Variants in HDAC9 observed in about 807,000 individuals in gnomAD.
HDAC9 encodes MEF-2 interacting transcription repressor (MITR) protein.
HDAC9 carries 41 observed loss-of-function variants against 139.4 expected under a neutral mutation model. That is an observed-to-expected ratio of 0.29 (90% CI 0.23 to 0.38). HDAC9 has a LOEUF of 0.38. Among genes scored for constraint, HDAC9 ranks in the 10% least tolerant of loss-of-function variants. HDAC9 has a pLI of 1.00. For synonymous variants in HDAC9, 517 were observed against 476.2 expected (o/e 1.09, Z -1.12); for missense variants, 1,147 against 1,297.0 (o/e 0.88, Z 1.78).
intron 25 of HDAC9, among the ~76,000 whole-genome samples, chr7:18,981,101 G>A (rs1344965309): frequency 6.6e-6 from 1 of 152,054 alleles, no homozygotes; most frequent in African/African-American, 2.4e-5. Context: ...TGGAATTACA[G>A]GTGTGAGCCA....
chr7:18,745,117 T>C lies in HDAC9; in HGVS notation c.1910-3888T>C, dbSNP rs77494761. Among the ~76,000 whole-genome samples, 1,410 of 152,278 alleles carry C rather than the reference T, an allele frequency of 9.3e-3. 24 individuals carry two copies. The highest frequency in any genetic ancestry group is 0.033 in the African/African-American group (1,358 of 41,552). Reference sequence around the variant, plus strand: ...TGAATTGCAAAGAAAAGAGCAGGCTTATTTCTCACCCTATAAGTCCATGTT... The same window carrying C: ...TGAATTGCAAAGAAAAGAGCAGGCTCATTTCTCACCCTATAAGTCCATGTT... On this transcript the variant is annotated intron_variant, in intron 13 of 25. Transcript: ENST00000686413.
intron 2 of HDAC9, among the ~76,000 whole-genome samples, chr7:18,525,613 G>A (rs1806579371): frequency 1.3e-5 from 2 of 151,872 alleles, no homozygotes; most frequent in Admixed American, 6.6e-5. Flanking sequence ...TGTTTATATA[G>A]TCCTAGTTCC....
intron 1 of HDAC9, among the ~76,000 whole-genome samples, chr7:18,158,242 G>T (rs1472284073): frequency 2.0e-5 from 3 of 152,152 alleles, no homozygotes; most frequent in Non-Finnish European, 4.4e-5. Context: ...AATGATTATT[G>T]TGATGTTCAA....
intron 2 of HDAC9, among the ~76,000 whole-genome samples, chr7:18,523,195 A>C (rs1465284338): frequency 6.6e-6 from 1 of 152,200 alleles, no homozygotes; most frequent in Non-Finnish European, 1.5e-5. Context: ...ATGCAAAGCT[A>C]GTGACTTTGA....
intron 1 of HDAC9, among the ~76,000 whole-genome samples, chr7:18,456,082 A>G (rs1793315457): frequency 6.6e-6 from 1 of 152,220 alleles, no homozygotes; most frequent in Non-Finnish European, 1.5e-5. Context: ...TTACATAAAT[A>G]GGGTCCCCAG....
At chr7:18,570,616 G>A (rs751428478) in intron 2 of HDAC9, among the ~76,000 whole-genome samples, 1 of 152,162 alleles carries the variant, frequency 6.6e-6, no homozygotes, top group Non-Finnish European at 1.5e-5. Flanking sequence ...TGGACGGTGT[G>A]TGTTCTAATT....
intron 12 of HDAC9, among the ~76,000 whole-genome samples, chr7:18,690,523 G>A (rs572184576): frequency 2.6e-5 from 4 of 152,000 alleles, no homozygotes; most frequent in Admixed American, 2.6e-4. Context: ...CACAATCTAT[G>A]TCCCTGTTTC....
Position 18,996,121 on chromosome 7 carries a change from C to T in HDAC9, c.*59C>T. ...TGACATCATTGTGTATCCCCCCACCCCAGTACCCTCAGACATGTCTTGTCT... is the reference window on the plus strand; with the variant it reads ...TGACATCATTGTGTATCCCCCCACCTCAGTACCCTCAGACATGTCTTGTCT... On this transcript the variant is annotated 3_prime_UTR_variant, in exon 26 of 26. Coordinates refer to ENST00000686413, the MANE Select transcript of HDAC9 (RefSeq NM_178425.4). 7.8e-7 allele frequency: 1 copy of T among 1,278,288 alleles called. No homozygotes were observed. Among genetic ancestry groups the T allele is most frequent in the East Asian group, 2.4e-5 (1 of 41,026 alleles). The allele number at this position is 1,278,288 out of a possible 1,614,324, so 79.2% of individuals were successfully genotyped here.
Position 19,001,873 on chromosome 7 carries a change from G to C in HDAC9, c.*5811G>C, listed in dbSNP as rs1174708788. 1 of 152,080 alleles carries C rather than the reference G, an allele frequency of 6.6e-6. No individual in the cohort carries two copies. The highest frequency in any genetic ancestry group is 1.5e-5 in the Non-Finnish European group (1 of 67,970). The allele number at this position is 152,080 out of a possible 1,614,324, so 9.4% of individuals were successfully genotyped here. ...TAAATAAGGTGAGCAGGGCAGGCAGGAAACCAATATTTAGTACTTTTGTGA... is the reference window on the plus strand; with the variant it reads ...TAAATAAGGTGAGCAGGGCAGGCAGCAAACCAATATTTAGTACTTTTGTGA... On this transcript the variant is annotated 3_prime_UTR_variant, in exon 26 of 26. Transcript: ENST00000686413.
chr7:18,876,174 C>T (rs1799306051), intron 22 of HDAC9, among the ~76,000 whole-genome samples: 1 of 152,152 alleles, frequency 6.6e-6, no homozygotes, highest in African/African-American at 2.4e-5. Context: ...GTATAGGAGA[C>T]GTGGGTTCTA....
At chr7:18,943,235 T>C (rs1207234247) in intron 23 of HDAC9, among the ~76,000 whole-genome samples, 3 of 152,098 alleles carry the variant, frequency 2.0e-5, no homozygotes, top group South Asian at 4.1e-4. Flanking sequence ...GTTAGAACTT[T>C]AGTTTGACAT....
chr7:18,654,272 C>T (rs765595997), intron 11 of HDAC9, among the ~76,000 whole-genome samples: 6 of 152,106 alleles, frequency 3.9e-5, no homozygotes, highest in African/African-American at 9.7e-5. Context: ...CATTTACCCA[C>T]TTTTGACTTT....
At chr7:18,178,623 T>G (rs971685905) in intron 2 of HDAC9, among the ~76,000 whole-genome samples, 2 of 152,218 alleles carry the variant, frequency 1.3e-5, no homozygotes, top group Non-Finnish European at 2.9e-5. Context: ...AAAACAAATA[T>G]GTATTGTGGT....
At chr7:18,863,602 A>G (rs900496115) in intron 21 of HDAC9, among the ~76,000 whole-genome samples, 1 of 152,168 alleles carries the variant, frequency 6.6e-6, no homozygotes, top group Non-Finnish European at 1.5e-5. Context: ...ATCTGTGAAC[A>G]AAGAGACAAA....
chr7:18,458,087 A>C (rs1793505714), intron 1 of HDAC9, among the ~76,000 whole-genome samples: 1 of 152,164 alleles, frequency 6.6e-6, no homozygotes, highest in South Asian at 2.1e-4. Context: ...CCTTGCCATC[A>C]AAGAGTAGGT....
At chr7:18,217,945 G>A (rs1792429527) in intron 2 of HDAC9, among the ~76,000 whole-genome samples, 1 of 152,158 alleles carries the variant, frequency 6.6e-6, no homozygotes, top group Non-Finnish European at 1.5e-5. Flanking sequence ...TGGAGCTGCT[G>A]TTATCTGAAG....
intron 21 of HDAC9, among the ~76,000 whole-genome samples, chr7:18,839,452 C>T (rs1350353197): frequency 6.6e-6 from 1 of 152,028 alleles, no homozygotes; most frequent in East Asian, 1.9e-4. Context: ...CCCGCATAGC[C>T]TCCCAACCTA....
chr7:18,912,938 T>C (rs1427434002), intron 22 of HDAC9, among the ~76,000 whole-genome samples: 2 of 152,094 alleles, frequency 1.3e-5, no homozygotes, highest in African/African-American at 2.4e-5. Context: ...ATAATGTGTT[T>C]AGTAATTCAC....
chr7:18,869,289 G>A (rs528774851), intron 21 of HDAC9, among the ~76,000 whole-genome samples: 1 of 151,826 alleles, frequency 6.6e-6, no homozygotes. Flanking sequence ...GGTGGGGCTT[G>A]GTGGGAGGTT....
Sources: allele counts gnomAD v4.1 joint callset (sites outside exome capture counted in the v4.1 genomes callset), GRCh38; gene constraint gnomAD v4.1.1; transcripts MANE v1.5; gene names NCBI Gene and HGNC (gene_info 2026-07-23, HGNC 2026-07-21).